The following PTPRA variants were observed in gnomAD, a reference collection of about 807,000 sequenced individuals.
The protein encoded by PTPRA is receptor-type tyrosine-protein phosphatase alpha.
A neutral mutation model predicts 104.8 loss-of-function variants in PTPRA; 25 were observed. The observed-to-expected ratio is 0.24, with a 90% CI of 0.17 to 0.33. The LOEUF (loss-of-function observed/expected upper bound fraction) is 0.33. Ranked by LOEUF, PTPRA falls within the 10% of genes least tolerant of loss-of-function variation. The probability of loss-of-function intolerance (pLI) is 1.00; values close to 1 mark genes in which losing one functional copy is unlikely to be tolerated. For synonymous variants in PTPRA, 323 were observed against 368.9 expected (o/e 0.88, Z 1.43); for missense variants, 765 against 1,015.3 (o/e 0.75, Z 3.35).
At chr20:2,871,330 T>G (rs1390495969), upstream of PTPRA, among the ~76,000 whole-genome samples, 1 of 152,136 alleles carries the variant, frequency 6.6e-6, no homozygotes, top group Non-Finnish European at 1.5e-5. Flanking sequence ...CAGCACATGG[T>G]GGGGCTGGAA....
intron 1 of PTPRA, among the ~76,000 whole-genome samples, chr20:2,884,827 T>A (rs569903095): frequency 2.9e-3 from 295 of 102,954 alleles, no homozygotes; most frequent in Non-Finnish European, 4.5e-3. Context: ...TTTTTTTTTT[T>A]GAGACGGAGT....
chr20:2,998,995 G>T (rs2063520587), intron 9 of PTPRA, among the ~76,000 whole-genome samples: 1 of 150,308 alleles, frequency 6.7e-6, no homozygotes, highest in Non-Finnish European at 1.5e-5. Flanking sequence ...ACATATTATA[G>T]AATTAATATT....
At chr20:3,004,074 A>G (rs1032183943) in intron 9 of PTPRA, among the ~76,000 whole-genome samples, 7 of 152,092 alleles carry the variant, frequency 4.6e-5, no homozygotes, top group African/African-American at 1.2e-4. Context: ...CTGGAGTACA[A>G]TGGCGTGATC....
In PTPRA at chr20:2,976,884, A is replaced by G. The variant is rs570642860; in HGVS notation, c.442+1643A>G. On this transcript the variant is annotated intron_variant, in intron 6 of 23. Transcript: ENST00000399903. ...GGGTGCTTTTGAACAGTAGTGTCTG[A>G]TGTTTTAATTGTCAAAGCAAAAAGA... is the stretch of plus-strand genomic sequence containing the variant. Among the ~76,000 whole-genome samples the G allele has an allele frequency of 3.3e-5, 5 of 152,328 alleles. No individual in the cohort carries two copies. In the South Asian group the frequency reaches 1.0e-3, roughly 32 times the overall value.
intron 2 of PTPRA, among the ~76,000 whole-genome samples, chr20:2,940,729 A>G (rs1272541215): frequency 2.0e-5 from 3 of 152,220 alleles, no homozygotes; most frequent in Non-Finnish European, 4.4e-5. Flanking sequence ...TTCAAATTTC[A>G]GCGTTTTATT....
intron 11 of PTPRA, among the ~76,000 whole-genome samples, chr20:3,011,365 T>C (rs1195548011): frequency 1.3e-5 from 2 of 152,232 alleles, no homozygotes; most frequent in Non-Finnish European, 2.9e-5. Context: ...GTGGGTAGGC[T>C]TAAAGGTTAC....
chr20:3,012,651 G>A (rs1337381152), intron 11 of PTPRA, among the ~76,000 whole-genome samples: 1 of 152,268 alleles, frequency 6.6e-6, no homozygotes, highest in African/African-American at 2.4e-5. Flanking sequence ...AGGGTTATGT[G>A]CAGATTAGAG....
In PTPRA at chr20:2,906,620, A is replaced by G. The variant is rs2059436973; in HGVS notation, c.-128-16587A>G. 5.9e-5 allele frequency among the ~76,000 whole-genome samples: 9 copies of G among 152,186 alleles called. No individual in the cohort carries two copies. In the South Asian group the frequency reaches 1.7e-3, roughly 28 times the overall value. On this transcript the variant is annotated intron_variant, in intron 1 of 23. Coordinates refer to ENST00000399903, the MANE Select transcript of PTPRA (RefSeq NM_001385305.1). ...ATGGAGTTCTTTTCGGAGTGATAAC[A>G]TTTTCTTAATTGGAGTTCAGAGTTA...
At chr20:2,907,325 C>G (rs1399000682) in intron 1 of PTPRA, among the ~76,000 whole-genome samples, 3 of 150,646 alleles carry the variant, frequency 2.0e-5, no homozygotes, top group Admixed American at 2.0e-4. Context: ...AAAAAAAAAG[C>G]ATGATAAAAC....
intron 2 of PTPRA, among the ~76,000 whole-genome samples, chr20:2,935,340 T>C (rs2060652431): frequency 1.3e-5 from 2 of 152,228 alleles, no homozygotes; most frequent in African/African-American, 4.8e-5. Flanking sequence ...TTTTTAAGGC[T>C]GAATAGTGTT....
rs181824394 is a variant in PTPRA at position 2,913,097 on chromosome 20, C to T, written c.-128-10110C>T. Among the ~76,000 whole-genome samples, 609 of 151,946 alleles carry T rather than the reference C, an allele frequency of 4.0e-3. 2 individuals carry two copies. Among genetic ancestry groups the T allele is most frequent in the Middle Eastern group, 6.8e-3 (2 of 292 alleles). Reference sequence around the variant, plus strand: ...ATGAGCATTAAATCTGGAGTTTGGCCGGGCACGGTGGCTCACGCCTGTAAT... The same window carrying T: ...ATGAGCATTAAATCTGGAGTTTGGCTGGGCACGGTGGCTCACGCCTGTAAT... On this transcript the variant is annotated intron_variant, in intron 1 of 23. Coordinates refer to ENST00000399903, the MANE Select transcript of PTPRA (RefSeq NM_001385305.1).
chr20:2,926,642 AAAAAC>A (rs913643008), intron 2 of PTPRA, among the ~76,000 whole-genome samples: 72 of 152,112 alleles, frequency 4.7e-4, no homozygotes, highest in Admixed American at 5.9e-4. Context: ...TCTCTGTCTC[AAAAAC>A]AAAACAAAAC....
chr20:3,036,090 T>C, intron 22 of PTPRA, 149 bp downstream of exon 22: 1 of 1,417,974 alleles, frequency 7.1e-7, no homozygotes, highest in Non-Finnish European at 9.4e-7. Flanking sequence ...CAAGACAGGA[T>C]TGGATGCTAA....
chr20:3,035,543 G>T lies in PTPRA; in HGVS notation c.1921-42G>T. The T allele has an allele frequency of 6.3e-7, 1 of 1,577,534 alleles. No homozygotes were observed. The highest frequency in any genetic ancestry group is 8.7e-7 in the Non-Finnish European group (1 of 1,148,526). On this transcript the variant is annotated intron_variant, in intron 20 of 23. Transcript: ENST00000399903. This position sits in a 1 kb window ranked among gnomAD's most constrained non-coding sequence, Gnocchi z 5.8. ...CGTGGGCAGTGCTGCTTCTACACAT[G>T]TGGTACTCTGAGCTCCTCACCTCTC...
chr20:2,969,811 C>A (rs1033848740), intron 5 of PTPRA, among the ~76,000 whole-genome samples: 1 of 150,230 alleles, frequency 6.7e-6, no homozygotes, highest in Non-Finnish European at 1.5e-5. Context: ...CTAAAAAATA[C>A]AAAAAAAAAT....
chr20:2,965,930 G>A (rs1223390541), intron 5 of PTPRA, among the ~76,000 whole-genome samples: 1 of 152,096 alleles, frequency 6.6e-6, no homozygotes, highest in Admixed American at 6.6e-5. Flanking sequence ...ACCCTCAAAG[G>A]GCTTCTATGA....
At chr20:2,936,468 CT>C (rs549993675) in intron 2 of PTPRA, among the ~76,000 whole-genome samples, 21 of 146,020 alleles carry the variant, frequency 1.4e-4, no homozygotes, top group Non-Finnish European at 1.1e-4. Context: ...TGGCCTAGGT[CT>C]TTTTTTTTTG....
At chr20:2,888,255 G>A (rs992893847) in intron 1 of PTPRA, among the ~76,000 whole-genome samples, 2 of 152,128 alleles carry the variant, frequency 1.3e-5, no homozygotes, top group Non-Finnish European at 2.9e-5. Flanking sequence ...TGGGGAAGAC[G>A]TAAGTTTGAA....
At chr20:2,954,996 T>A (rs2061486401) in intron 3 of PTPRA, among the ~76,000 whole-genome samples, 1 of 152,232 alleles carries the variant, frequency 6.6e-6, no homozygotes, top group Admixed American at 6.5e-5. Flanking sequence ...CATATTTATG[T>A]GAGTCTGTTA....
Sources: gnomAD v4.1 joint callset for allele counts (sites outside exome capture counted in the v4.1 genomes callset) on GRCh38, gnomAD v4.1.1 for gene constraint, Gnocchi (gnomAD v3.1) non-coding constraint, MANE v1.5 for transcripts, NCBI Gene and HGNC (gene_info 2026-07-23, HGNC 2026-07-21) for gene names.